The following SH3RF2 variants were observed in gnomAD, a reference collection of about 807,000 sequenced individuals.
The protein encoded by SH3RF2 is E3 ubiquitin-protein ligase SH3RF2.
A neutral mutation model predicts 59.0 loss-of-function variants in SH3RF2; 43 were observed. The ratio of observed to expected loss-of-function variants is 0.73; its 90% CI spans 0.57 to 0.94. SH3RF2 has a LOEUF of 0.94. Ranked by LOEUF, SH3RF2 falls within the 40% of genes least tolerant of loss-of-function variation. The probability of loss-of-function intolerance (pLI) is 0.00; values close to 1 mark genes in which losing one functional copy is unlikely to be tolerated. For synonymous variants in SH3RF2, 391 were observed against 391.5 expected (o/e 1.00, Z 0.01); for missense variants, 930 against 940.1 (o/e 0.99, Z 0.14).
At position 146,049,674 on chromosome 5, in the gene SH3RF2, G is replaced by T. The variant is rs773226366; in HGVS notation, c.1322+429G>T. Among the ~76,000 whole-genome samples the T allele has an allele frequency of 7.2e-5, 11 of 152,020 alleles. 1 individual carries two copies. Among genetic ancestry groups the T allele is most frequent in the Non-Finnish European group, 1.3e-4 (9 of 68,020 alleles). ...AGATGACTTCCCCAGAGCACCTCGG[G>T]AAACTTCTCAGGCTGCTAGAGTGAC... On this transcript the variant is annotated intron_variant, in intron 7 of 9. Transcript: ENST00000359120.
chr5:145,941,218 A>T (rs192168066), intron 2 of SH3RF2, among the ~76,000 whole-genome samples: 1 of 152,330 alleles, frequency 6.6e-6, no homozygotes, highest in East Asian at 1.9e-4. Flanking sequence ...TCATCTAAAA[A>T]ACAAGCTCAT....
intron 8 of SH3RF2, among the ~76,000 whole-genome samples, chr5:146,058,693 G>A (rs1463056703): frequency 2.0e-5 from 3 of 152,064 alleles, no homozygotes. Flanking sequence ...GGGCCCCTAT[G>A]GAGAAATGGC....
rs1379428427 is a variant in SH3RF2, at chr5:146,056,184, T to C, written c.1526T>C (p.Leu509Pro). The C allele has an allele frequency of 1.2e-6, 2 of 1,614,046 alleles. No homozygotes were observed. The highest frequency in any genetic ancestry group is 1.7e-6 in the Non-Finnish European group (2 of 1,180,044). ...CCTGGGACTTTAGGACAAGGGTCTCTTCGGAAAGGGCGGAGCAGCATGAGA... is the reference window on the plus strand; with the variant it reads ...CCTGGGACTTTAGGACAAGGGTCTCCTCGGAAAGGGCGGAGCAGCATGAGA... Reference protein sequence around the residue: ...AGPGTLGQGSLRKGRSSMRKN... With the variant: ...AGPGTLGQGSPRKGRSSMRKN... The change falls in exon 8 of 10, where the codon CTT becomes CCT. Residue 509 changes from leucine (L) to proline (P), a missense_variant. Physicochemically the swap from Leu to Pro is moderately conservative, Grantham distance 98 (BLOSUM62 -3). Coordinates refer to ENST00000359120, the MANE Select transcript of SH3RF2 (RefSeq NM_152550.4).
intron 5 of SH3RF2, among the ~76,000 whole-genome samples, chr5:146,031,807 C>T (rs1238856555): frequency 6.6e-6 from 1 of 152,128 alleles, no homozygotes; most frequent in Non-Finnish European, 1.5e-5. Flanking sequence ...AGCTTGAGGC[C>T]AGGCAGCCAC....
chr5:145,981,788 T>C (rs1440832782), intron 2 of SH3RF2, among the ~76,000 whole-genome samples: 4 of 152,200 alleles, frequency 2.6e-5, no homozygotes, highest in Non-Finnish European at 5.9e-5. Context: ...TGGCACATGT[T>C]CAATAACCAC....
chr5:146,029,247 A>G (rs544024041), intron 5 of SH3RF2, among the ~76,000 whole-genome samples: 2 of 152,168 alleles, frequency 1.3e-5, no homozygotes, highest in African/African-American at 4.8e-5. Context: ...TAGCAAGTGC[A>G]TTTCAGAGTT....
At chr5:146,065,840 G>A (rs1763090333), downstream of SH3RF2, among the ~76,000 whole-genome samples, 1 of 152,176 alleles carries the variant, frequency 6.6e-6, no homozygotes. Flanking sequence ...TTTATTTTTT[G>A]TAGAGATGAA....
chr5:146,072,250 G>A (rs879723167), intron 9 of SH3RF2, among the ~76,000 whole-genome samples: 11 of 152,150 alleles, frequency 7.2e-5, no homozygotes, highest in Admixed American at 6.5e-4. Flanking sequence ...ACTGTGATTG[G>A]GAAAATCAAG....
At chr5:145,980,287 AT>A (rs1759460332) in intron 2 of SH3RF2, among the ~76,000 whole-genome samples, 2 of 152,278 alleles carry the variant, frequency 1.3e-5, no homozygotes, top group Admixed American at 1.3e-4. Context: ...AATTAGGTGT[AT>A]GTTTTTCCAG....
chr5:145,954,280 G>GT (rs1229976105), intron 2 of SH3RF2, among the ~76,000 whole-genome samples: 1 of 152,146 alleles, frequency 6.6e-6, no homozygotes, highest in Non-Finnish European at 1.5e-5. Context: ...TCTCACTGTG[G>GT]TTTTGATTTG....
chr5:146,062,525 A>G lies in SH3RF2; in HGVS notation c.2014A>G (p.Lys672Glu). The G allele has an allele frequency of 6.2e-7, 1 of 1,614,114 alleles. No homozygotes were observed. The highest frequency in any genetic ancestry group is 8.5e-7 in the Non-Finnish European group (1 of 1,180,024). The change falls in exon 10 of 10, where the codon AAG becomes GAG. Residue 672 changes from lysine to glutamate, a missense_variant. Transcript: ENST00000359120. ...SGKPEQPATL[K>E]ASQPEAASLG... ...AAAGCCTGAACAGCCAGCCACCCTC[A>G]AGGCGTCCCAGCCTGAAGCAGCGTC...
At chr5:145,990,176 C>G (rs903724335) in intron 2 of SH3RF2, among the ~76,000 whole-genome samples, 4 of 152,152 alleles carry the variant, frequency 2.6e-5, no homozygotes, top group African/African-American at 9.7e-5. Context: ...CTCTAGCTAT[C>G]TAGTTACCTA....
At chr5:146,059,806 C>G (rs1447529980) in intron 8 of SH3RF2, 60 bp from the exon 9 acceptor site, 1 of 1,276,806 alleles carries the variant, frequency 7.8e-7, no homozygotes. Flanking sequence ...CTTACCCAGC[C>G]CCACCCAACC....
At chr5:145,994,493 T>C (rs1384933534) in intron 2 of SH3RF2, among the ~76,000 whole-genome samples, 2 of 152,210 alleles carry the variant, frequency 1.3e-5, no homozygotes, top group Non-Finnish European at 2.9e-5. Flanking sequence ...CAGTTCCACA[T>C]GGATGGGGAG....
chr5:146,010,984 GT>G (rs1760867161), intron 4 of SH3RF2, among the ~76,000 whole-genome samples: 1 of 152,032 alleles, frequency 6.6e-6, no homozygotes, highest in Non-Finnish European at 1.5e-5. Context: ...TATTGCCTAG[GT>G]TTTCTTCTAG....
intron 5 of SH3RF2, among the ~76,000 whole-genome samples, chr5:146,031,019 C>T (rs1289605219): frequency 6.6e-6 from 1 of 152,142 alleles, no homozygotes; most frequent in Non-Finnish European, 1.5e-5. Context: ...TGGCCTCTTC[C>T]TTTAAAAAGC....
chr5:146,075,402 A>G lies in SH3RF2; in HGVS notation c.*34-3058A>G, dbSNP rs1027728570. ...ATGTTAATCGTAGAAACTAAGGCCTAGAGAGATTAAAAAACGTCCATGGGG... is the reference window on the plus strand; with the variant it reads ...ATGTTAATCGTAGAAACTAAGGCCTGGAGAGATTAAAAAACGTCCATGGGG... On this transcript the variant is annotated intron_variant, in intron 9 of 9. Transcript: ENST00000511217. Among the ~76,000 whole-genome samples the G allele has an allele frequency of 3.9e-5, 6 of 152,204 alleles. No individual in the cohort carries two copies. In the East Asian group the frequency reaches 9.6e-4, roughly 24 times the overall value.
intron 2 of SH3RF2, among the ~76,000 whole-genome samples, chr5:145,991,827 G>T (rs553622808): frequency 6.6e-6 from 1 of 152,180 alleles, no homozygotes; most frequent in South Asian, 2.1e-4. Context: ...AAAAAGAAAA[G>T]AAAGAAAGAA....
chr5:146,039,170 G>T (rs962201042), intron 5 of SH3RF2, among the ~76,000 whole-genome samples: 11 of 152,100 alleles, frequency 7.2e-5, no homozygotes, highest in African/African-American at 2.7e-4. Flanking sequence ...ACTTAAATGT[G>T]AAAGGCAAAA....
Sources: gnomAD v4.1 joint callset for allele counts (sites outside exome capture counted in the v4.1 genomes callset) on GRCh38, gnomAD v4.1.1 for gene constraint, MANE v1.5 for transcripts, NCBI Gene and HGNC (gene_info 2026-07-23, HGNC 2026-07-21) for gene names.